Variants in E2F5 observed in about 807,000 individuals in gnomAD.
E2F5 encodes E2F transcription factor 5.
E2F5 carries 23 observed loss-of-function variants against 39.1 expected under a neutral mutation model. The observed-to-expected ratio is 0.59, with a 90% confidence interval of 0.42 to 0.83. The LOEUF (loss-of-function observed/expected upper bound fraction) is 0.83, where lower values mean the gene tolerates loss of function less well. Among genes scored for constraint, E2F5 ranks in the 40% least tolerant of loss-of-function variants. The pLI, the probability that E2F5 is intolerant of heterozygous loss-of-function variation, is 0.00. For missense variants in E2F5, 365 were observed against 406.7 expected (o/e 0.90, Z 0.88); for synonymous variants, 145 against 157.8 (o/e 0.92, Z 0.61).
chr8:85,183,350 G>A (rs993335292), intron 1 of E2F5, among the ~76,000 whole-genome samples: 4 of 152,212 alleles, frequency 2.6e-5, no homozygotes, highest in African/African-American at 9.6e-5. Context: ...GGGTAGGACA[G>A]CGAGAACTTT....
In E2F5 at chr8:85,184,323, G is replaced by A. The variant is rs112304224; in HGVS notation, c.234+6669G>A. Among the ~76,000 whole-genome samples the A allele has an allele frequency of 1.2e-3, 188 of 152,184 alleles. 1 individual carries two copies. The highest frequency in any genetic ancestry group is 3.6e-3 in the African/African-American group (150 of 41,524). ...CTTCAACAAAATTCAACAGCCCTTC[G>A]TGCTAAAAACTCTCAATAAACTAGG... On this transcript the variant is annotated intron_variant, in intron 1 of 7. Transcript: ENST00000416274.
At chr8:85,209,710 A>T (rs939500594) in intron 6 of E2F5, among the ~76,000 whole-genome samples, 2 of 152,202 alleles carry the variant, frequency 1.3e-5, no homozygotes, top group African/African-American at 4.8e-5. Flanking sequence ...TCAGGTGTGG[A>T]ATTTTCCATT....
chr8:85,202,340 TC>T, intron 2 of E2F5, 84 bp downstream of exon 2: 8 of 966,004 alleles, frequency 8.3e-6, no homozygotes. Context: ...TGTTTCTATC[TC>T]CCAAATCCTC....
chr8:85,211,686 T>TTG (rs1253456493), intron 6 of E2F5, among the ~76,000 whole-genome samples: 2 of 144,270 alleles, frequency 1.4e-5, no homozygotes, highest in Non-Finnish European at 3.0e-5. Flanking sequence ...GGGTCTCACT[T>TTG]TGTCAGCCAG....
At chr8:85,200,299 C>A (rs1423261415) in intron 1 of E2F5, 6 of 952,562 alleles carry the variant, frequency 6.3e-6, no homozygotes, top group Admixed American at 6.2e-5. Context: ...CCTGGAGATT[C>A]TTTTACATAT....
At position 85,214,504 on chromosome 8, in the gene E2F5, G is replaced by T; in HGVS notation, c.*642G>T. ...TAACAAGATTTTTAAAAATAAAATT[G>T]TATAAAACATTCAATTTATTGGTCT... On this transcript the variant is annotated 3_prime_UTR_variant, in exon 8 of 8. Coordinates refer to ENST00000416274, the MANE Select transcript of E2F5 (RefSeq NM_001951.4). 8.5e-7 allele frequency: 1 copy of T among 1,179,818 alleles called. No homozygotes were observed. The highest frequency in any genetic ancestry group is 1.3e-6 in the Non-Finnish European group (1 of 798,388). 73.1% of individuals were successfully genotyped at this position (1,179,818 alleles called of 1,614,324 possible). A position where few individuals can be genotyped will look rare whatever the true frequency, so the allele number is the denominator to read the frequency against.
At chr8:85,192,525 G>T (rs369999761) in intron 1 of E2F5, among the ~76,000 whole-genome samples, 1 of 152,082 alleles carries the variant, frequency 6.6e-6, no homozygotes, top group South Asian at 2.1e-4. Flanking sequence ...AAAGTCTGAG[G>T]GTATGGTAAC....
intron 7 of E2F5, 38 bp from the exon 8 acceptor site, chr8:85,213,715 A>G: frequency 9.0e-7 from 1 of 1,108,066 alleles, no homozygotes; most frequent in Non-Finnish European, 1.4e-6. Flanking sequence ...CCGTATGTAG[A>G]AACCATCTTT....
At chr8:85,200,202 A>T in intron 1 of E2F5, 1 of 544,648 alleles carries the variant, frequency 1.8e-6, no homozygotes, top group Non-Finnish European at 2.3e-6. Flanking sequence ...AGCCAAGATC[A>T]CACCACTGCA....
intron 1 of E2F5, among the ~76,000 whole-genome samples, chr8:85,196,152 G>A (rs529991898): frequency 3.6e-4 from 54 of 152,046 alleles, no homozygotes; most frequent in Non-Finnish European, 6.8e-4. Flanking sequence ...TGAAACATGC[G>A]GCTCCTGGAG....
At chr8:85,212,556 G>T in intron 7 of E2F5, 1 of 172,674 alleles carries the variant, frequency 5.8e-6, no homozygotes, top group Non-Finnish European at 1.2e-5. Flanking sequence ...CCCTACCCAG[G>T]CCAATTTCAA....
intron 3 of E2F5, among the ~76,000 whole-genome samples, chr8:85,203,707 T>G (rs1411372884): frequency 6.6e-6 from 1 of 151,504 alleles, no homozygotes; most frequent in Non-Finnish European, 1.5e-5. Flanking sequence ...CCTTGATACT[T>G]TCTGCCTAAC....
Position 85,214,442 on chromosome 8 carries a change from T to C in E2F5, c.*580T>C, listed in dbSNP as rs1382467054. The C allele has an allele frequency of 4.1e-6, 3 of 728,388 alleles. No homozygotes were observed. Among genetic ancestry groups the C allele is most frequent in the East Asian group, 5.2e-5 (2 of 38,268 alleles). 45.1% of individuals were successfully genotyped at this position (728,388 alleles called of 1,614,324 possible). ...CTAGGTTATAGGAAAGATCTGTTTA[T>C]GTAGTTTGTTTTTAAAATGTGCCAA... On this transcript the variant is annotated 3_prime_UTR_variant, in exon 8 of 8. Transcript: ENST00000416274.
intron 1 of E2F5, among the ~76,000 whole-genome samples, chr8:85,196,255 A>G (rs2129693818): frequency 6.6e-6 from 1 of 152,284 alleles, no homozygotes; most frequent in South Asian, 2.1e-4. Flanking sequence ...TTGAAAACAC[A>G]TAGTGGCCAC....
chr8:85,212,291 A>G, intron 7 of E2F5, 87 bp downstream of exon 7: 1 of 1,016,222 alleles, frequency 9.8e-7, no homozygotes, highest in Non-Finnish European at 1.5e-6. Context: ...AGAAATGAAC[A>G]TATATTTGCT....
At chr8:85,178,209 G>A (rs1356357616) in intron 1 of E2F5, 1 of 151,316 alleles carries the variant, frequency 6.6e-6, no homozygotes, top group African/African-American at 2.4e-5. Context: ...GCCCCTCCCC[G>A]ATAAAATAGT....
chr8:85,180,574 GTTTTTTTT>G (rs1206566160), intron 1 of E2F5, among the ~76,000 whole-genome samples: 1 of 56,906 alleles, frequency 1.8e-5, no homozygotes, highest in Non-Finnish European at 3.3e-5. Flanking sequence ...GGTTGGTCTT[GTTTTTTTT>G]TTTTTTTTTT....
intron 3 of E2F5, 58 bp downstream of exon 3, chr8:85,203,313 T>A: frequency 7.4e-7 from 1 of 1,349,388 alleles, no homozygotes; most frequent in Non-Finnish European, 9.7e-7. Context: ...TATGTATAAA[T>A]CATTTCAGTC....
intron 3 of E2F5, 93 bp downstream of exon 3, chr8:85,203,348 G>A: frequency 9.2e-7 from 1 of 1,085,540 alleles, no homozygotes; most frequent in Non-Finnish European, 1.2e-6. Flanking sequence ...TTTGTTTTTA[G>A]ACAGTTAAGT....
Sources: allele counts gnomAD v4.1 joint callset (sites outside exome capture counted in the v4.1 genomes callset), GRCh38; gene constraint gnomAD v4.1.1; transcripts MANE v1.5; gene names NCBI Gene and HGNC (gene_info 2026-07-23, HGNC 2026-07-21).